Variants in RYR3 observed in about 807,000 individuals in gnomAD.
RYR3 encodes the protein ryanodine receptor 3.
Under a neutral mutation model 584.3 loss-of-function variants are expected in RYR3, and 207 were observed. That is an observed-to-expected ratio of 0.35 (90% CI 0.32 to 0.40). RYR3 has a LOEUF of 0.40. Among genes scored for constraint, RYR3 ranks in the 10% least tolerant of loss-of-function variants. The probability of loss-of-function intolerance (pLI) is 1.00; values close to 1 mark genes in which losing one functional copy is unlikely to be tolerated. For missense variants in RYR3, 5,616 were observed against 6,089.2 expected, an observed-to-expected ratio of 0.92 and a Z score of 2.59; for synonymous variants, 2,416 against 2,248.5, an observed-to-expected ratio of 1.07 and a Z score of -2.11.
rs543089868 is a variant in RYR3 at position 33,521,384 on chromosome 15, AATGAC to A, written c.280-9203_280-9199del. Among the ~76,000 whole-genome samples the A allele has an allele frequency of 1.6e-3, 243 of 152,296 alleles. 2 individuals are homozygous for A. Among genetic ancestry groups the A allele is most frequent in the Middle Eastern group, 6.8e-3 (2 of 294 alleles). The stretch of plus-strand genomic sequence containing the variant: ...AATACTTCCATGTGGCAGTGAAACT[AATGAC>A]ATGAACAAAAAGGAGATTGCGCCAC... On this transcript the variant is annotated intron_variant, in intron 3 of 103. Transcript: ENST00000634891.
At chr15:33,623,141 C>G (rs1218067478) in intron 19 of RYR3, among the ~76,000 whole-genome samples, 1 of 152,204 alleles carries the variant, frequency 6.6e-6, no homozygotes, top group Non-Finnish European at 1.5e-5. Context: ...AAGAAAGACA[C>G]TGGGATCCCA....
At chr15:33,347,228 A>C (rs1189996644) in intron 1 of RYR3, among the ~76,000 whole-genome samples, 1 of 152,130 alleles carries the variant, frequency 6.6e-6, no homozygotes, top group Non-Finnish European at 1.5e-5. Flanking sequence ...AGGAGTGAAG[A>C]GGTATGTTCC....
At chr15:33,359,786 T>C (rs922574872) in intron 1 of RYR3, among the ~76,000 whole-genome samples, 3 of 151,516 alleles carry the variant, frequency 2.0e-5, no homozygotes, top group Admixed American at 6.6e-5. Context: ...GCCTGGCTAA[T>C]TTTTTTTGTA....
chr15:33,632,130 A>G (rs1012456127), intron 23 of RYR3, among the ~76,000 whole-genome samples: 13 of 152,208 alleles, frequency 8.5e-5, no homozygotes, highest in African/African-American at 3.1e-4. Flanking sequence ...ATACCTACCT[A>G]CAATAGACCC....
In RYR3 at chr15:33,789,624, TTATATATATATATA is replaced by T. The variant is rs1567174689; in HGVS notation, c.9830+1188_9830+1201del. On this transcript the variant is annotated intron_variant, in intron 67 of 103. Coordinates refer to ENST00000634891, the MANE Select transcript of RYR3 (RefSeq NM_001036.6). ...TATATGCATGTTACCAGGTTTTATTTTATATATATATATATATATATATATATATATATATTTTT... is the reference window on the plus strand; with the variant it reads ...TATATGCATGTTACCAGGTTTTATTTTATATATATATATATATATATTTTT... Among the ~76,000 whole-genome samples the T allele has an allele frequency of 1.2e-3, 14 of 11,694 alleles. 1 individual carries two copies. The highest frequency in any genetic ancestry group is 6.1e-3 in the Admixed American group (3 of 488). The allele number at this position is 11,694 out of a possible 152,430, so 7.7% of individuals were successfully genotyped here. A position where few individuals can be genotyped will look rare whatever the true frequency, so the allele number is the denominator to read the frequency against.
intron 1 of RYR3, among the ~76,000 whole-genome samples, chr15:33,413,330 T>C (rs2043542390): frequency 6.6e-6 from 1 of 152,242 alleles, no homozygotes. Context: ...AAAGATATGC[T>C]ATAATAAGTG....
At chr15:33,428,639 A>C (rs771874885) in intron 1 of RYR3, among the ~76,000 whole-genome samples, 2 of 152,198 alleles carry the variant, frequency 1.3e-5, no homozygotes, top group African/African-American at 4.8e-5. Context: ...AAAAAAATAA[A>C]AAACTTTGCA....
chr15:33,320,425 A>AGCC (rs1968811246), intron 1 of RYR3, among the ~76,000 whole-genome samples: 1 of 152,208 alleles, frequency 6.6e-6, no homozygotes, highest in African/African-American at 2.4e-5. Flanking sequence ...GTATTGACCA[A>AGCC]TTACTCTCCA....
intron 1 of RYR3, among the ~76,000 whole-genome samples, chr15:33,421,370 AGTT>A (rs1471833580): frequency 1.3e-5 from 2 of 152,154 alleles, no homozygotes; most frequent in East Asian, 3.9e-4. Context: ...ATCAATTTGG[AGTT>A]GTTGTATGAA....
intron 1 of RYR3, among the ~76,000 whole-genome samples, chr15:33,385,440 G>A (rs2041521314): frequency 6.6e-6 from 1 of 152,178 alleles, no homozygotes; most frequent in Non-Finnish European, 1.5e-5. Context: ...TATGATTCAA[G>A]TCATTCTTAG....
At chr15:33,399,057 C>T (rs2042467873) in intron 1 of RYR3, among the ~76,000 whole-genome samples, 1 of 152,068 alleles carries the variant, frequency 6.6e-6, no homozygotes, top group Admixed American at 6.5e-5. Flanking sequence ...AATAGAGGAC[C>T]AAGACTCCTA....
At chr15:33,338,879 T>TAAAAAAA (rs1567052961) in intron 1 of RYR3, among the ~76,000 whole-genome samples, 2 of 152,148 alleles carry the variant, frequency 1.3e-5, no homozygotes, top group Admixed American at 6.6e-5. Context: ...CGTTTCCTCT[T>TAAAAAAA]AAAAACAAGC....
rs576483588 is a variant in RYR3 at position 33,445,733 on chromosome 15, C to T, written c.52-27686C>T. 3.1e-4 allele frequency among the ~76,000 whole-genome samples: 45 copies of T among 144,220 alleles called. 1 individual carries two copies. The South Asian group carries it at 6.5e-3, about 21-fold the overall frequency. 94.6% of individuals were successfully genotyped at this position (144,220 alleles called of 152,430 possible). On this transcript the variant is annotated intron_variant, in intron 1 of 103. Transcript: ENST00000634891. Reference sequence around the variant, plus strand: ...CACACACGAAAGCCATTTGAGATTCCTGGAAGCAACACAAAGGAAGAATTC... The same window carrying T: ...CACACACGAAAGCCATTTGAGATTCTTGGAAGCAACACAAAGGAAGAATTC...
chr15:33,729,021 G>A lies in RYR3; in HGVS notation c.7198G>A (p.Asp2400Asn). The change falls in exon 47 of 104, where the codon GAT becomes AAT. Residue 2400 changes from aspartate (D) to asparagine (N), a missense_variant. Coordinates refer to ENST00000634891, the MANE Select transcript of RYR3 (RefSeq NM_001036.6). ...TGACCTAAGAGCTTCTGCCTCTCTA[G>A]ATACAGTAAGTTGCAAAAATAACAA... is the stretch of plus-strand genomic sequence containing the variant. ...LPDLRASASL[D>N]TVSLSTTEAA... The A allele has an allele frequency of 6.2e-7, 1 of 1,611,578 alleles. No homozygotes were observed. The highest frequency in any genetic ancestry group is 8.5e-7 in the Non-Finnish European group (1 of 1,179,302).
intron 1 of RYR3, among the ~76,000 whole-genome samples, chr15:33,332,011 C>G (rs1287260799): frequency 6.6e-6 from 1 of 151,758 alleles, no homozygotes. Context: ...AATTTCTAGA[C>G]TATCCAGGAA....
intron 57 of RYR3, among the ~76,000 whole-genome samples, chr15:33,750,805 G>A (rs2071213323): frequency 6.6e-6 from 1 of 152,134 alleles, no homozygotes; most frequent in Non-Finnish European, 1.5e-5. Context: ...CACGTGCCAT[G>A]GTGGTTTGCT....
intron 1 of RYR3, among the ~76,000 whole-genome samples, chr15:33,449,808 G>A (rs573141036): frequency 2.0e-5 from 3 of 152,148 alleles, no homozygotes; most frequent in Admixed American, 6.5e-5. Flanking sequence ...CTTCAAAGAC[G>A]GTGTTCATGC....
At chr15:33,432,698 T>TGTGTGTGTGTGTGTG in intron 1 of RYR3, among the ~76,000 whole-genome samples, 1 of 77,522 alleles carries the variant, frequency 1.3e-5, no homozygotes, top group African/African-American at 9.4e-5. Context: ...GTGTGTGTGT[T>TGTGTGTGTGTGTGTG]TAAAGTAGAG....
intron 38 of RYR3, among the ~76,000 whole-genome samples, chr15:33,692,940 A>G (rs918098463): frequency 1.3e-5 from 2 of 152,218 alleles, no homozygotes; most frequent in Admixed American, 1.3e-4. Flanking sequence ...ATGATTCTGT[A>G]AAATTCTCTG....
Sources: gnomAD v4.1 joint callset for allele counts (sites outside exome capture counted in the v4.1 genomes callset) on GRCh38, gnomAD v4.1.1 for gene constraint, MANE v1.5 for transcripts, NCBI Gene and HGNC (gene_info 2026-07-23, HGNC 2026-07-21) for gene names.